The following DGKB variants were observed in gnomAD, a reference collection of about 807,000 sequenced individuals.
DGKB encodes the protein 90 kDa diacylglycerol kinase.
A neutral mutation model predicts 114.3 loss-of-function variants in DGKB; 67 were observed. That is an observed-to-expected ratio of 0.59 (90% CI 0.48 to 0.72). The LOEUF (loss-of-function observed/expected upper bound fraction) is 0.72, where lower values mean the gene tolerates loss of function less well. Ranked by LOEUF, DGKB falls within the 30% of genes least tolerant of loss-of-function variation. The pLI is 0.00. For synonymous variants in DGKB, 398 were observed against 323.1 expected (o/e 1.23, Z -2.49); for missense variants, 907 against 975.2 (o/e 0.93, Z 0.93).
chr7:14,158,553 A>T (rs887056594), intron 25 of DGKB, among the ~76,000 whole-genome samples: 12 of 152,210 alleles, frequency 7.9e-5, no homozygotes, highest in African/African-American at 2.7e-4. Flanking sequence ...TATTTGGAGC[A>T]TCATAGCACT....
At chr7:14,744,032 C>G (rs1832921226) in intron 4 of DGKB, among the ~76,000 whole-genome samples, 1 of 150,562 alleles carries the variant, frequency 6.6e-6, no homozygotes. Flanking sequence ...TAATAGAAAA[C>G]TGAAGTAATC....
At chr7:14,965,578 T>C (rs770585900) in intron 1 of DGKB, among the ~76,000 whole-genome samples, 1 of 152,116 alleles carries the variant, frequency 6.6e-6, no homozygotes, top group Non-Finnish European at 1.5e-5. Flanking sequence ...GGTAGCAGTG[T>C]ATATTCATGG....
chr7:14,959,995 C>T (rs559484175), intron 1 of DGKB, among the ~76,000 whole-genome samples: 7 of 151,988 alleles, frequency 4.6e-5, no homozygotes, highest in Non-Finnish European at 8.8e-5. Flanking sequence ...TTGCACAAAG[C>T]GGTCACACTG....
intron 2 of DGKB, among the ~76,000 whole-genome samples, chr7:14,767,014 A>G (rs1303263668): frequency 6.6e-6 from 1 of 151,714 alleles, no homozygotes; most frequent in Admixed American, 6.6e-5. Context: ...AGTTTAAGAG[A>G]AAATATGATG....
intron 17 of DGKB, among the ~76,000 whole-genome samples, chr7:14,598,448 G>A: frequency 6.6e-6 from 1 of 152,130 alleles, no homozygotes; most frequent in Non-Finnish European, 1.5e-5. Flanking sequence ...TTGCTTTGGG[G>A]CAGAGAATTA....
chr7:14,420,358 A>T (rs1826467498), intron 21 of DGKB, among the ~76,000 whole-genome samples: 1 of 152,034 alleles, frequency 6.6e-6, no homozygotes, highest in African/African-American at 2.4e-5. Flanking sequence ...TCCTAAAGCT[A>T]ATCTGCAAGA....
chr7:14,798,578 T>C (rs1410419476), intron 2 of DGKB, among the ~76,000 whole-genome samples: 1 of 152,192 alleles, frequency 6.6e-6, no homozygotes, highest in African/African-American at 2.4e-5. Flanking sequence ...GGGGGAGTTT[T>C]CCCTTGGTCC....
chr7:14,318,998 G>C (rs1161625636), intron 23 of DGKB, among the ~76,000 whole-genome samples: 2 of 152,086 alleles, frequency 1.3e-5, no homozygotes, highest in Admixed American at 1.3e-4. Context: ...GGACTTGGAT[G>C]AAATTGGAAA....
chr7:14,168,884 A>G (rs1480579537), intron 25 of DGKB, among the ~76,000 whole-genome samples: 1 of 152,184 alleles, frequency 6.6e-6, no homozygotes, highest in African/African-American at 2.4e-5. Context: ...GAAGGAAGAG[A>G]TTTTATTTTA....
intron 23 of DGKB, among the ~76,000 whole-genome samples, chr7:14,300,802 T>C (rs1803413964): frequency 6.6e-6 from 1 of 152,154 alleles, no homozygotes; most frequent in South Asian, 2.1e-4. Flanking sequence ...TGAATAGTCT[T>C]ATTTCTGTCA....
chr7:14,678,560 G>T (rs1386189119), intron 12 of DGKB, among the ~76,000 whole-genome samples: 1 of 151,940 alleles, frequency 6.6e-6, no homozygotes, highest in African/African-American at 2.4e-5. Flanking sequence ...ATTATATACA[G>T]TTATGTTTAG....
chr7:14,897,957 T>C lies in DGKB; in HGVS notation c.-188+4635A>G, dbSNP rs183062219. Reference sequence around the variant, plus strand: ...AGCTCCAATATTATATTAGACACTGTGTTAAGCACTAAACTTCCAAAGATA... The same window carrying C: ...AGCTCCAATATTATATTAGACACTGCGTTAAGCACTAAACTTCCAAAGATA... On this transcript the variant is annotated intron_variant, in intron 1 of 25. Transcript: ENST00000402815. Among the ~76,000 whole-genome samples, 3 of 152,160 alleles carry C rather than the reference T, an allele frequency of 2.0e-5. No homozygotes were observed. In the East Asian group the frequency reaches 5.8e-4, roughly 29 times the overall value.
At chr7:14,213,674 G>A (rs1788500368) in intron 23 of DGKB, among the ~76,000 whole-genome samples, 2 of 152,074 alleles carry the variant, frequency 1.3e-5, no homozygotes, top group Admixed American at 1.3e-4. Flanking sequence ...GGGACTTCAG[G>A]AACTAGTGCA....
chr7:14,451,210 C>A (rs1831429918), intron 21 of DGKB, among the ~76,000 whole-genome samples: 1 of 152,036 alleles, frequency 6.6e-6, no homozygotes, highest in African/African-American at 2.4e-5. Flanking sequence ...TGAATGAGAT[C>A]ACCATTTGAA....
intron 25 of DGKB, among the ~76,000 whole-genome samples, chr7:14,150,954 G>A (rs1007562165): frequency 1.3e-5 from 2 of 151,992 alleles, no homozygotes; most frequent in African/African-American, 4.8e-5. Flanking sequence ...CTGCCCCCAA[G>A]AAATTATAAT....
intron 13 of DGKB, among the ~76,000 whole-genome samples, chr7:14,634,948 C>CTTTA (rs1585231881): frequency 6.6e-6 from 1 of 151,074 alleles, no homozygotes; most frequent in Non-Finnish European, 1.5e-5. Flanking sequence ...TTATTAAAAC[C>CTTTA]TTTAGTAAGA....
chr7:14,223,785 A>AT lies in DGKB; in HGVS notation c.2123-45635dup, dbSNP rs201870738. 2.3e-3 allele frequency among the ~76,000 whole-genome samples: 339 copies of AT among 150,288 alleles called. 2 individuals carry two copies. The highest frequency in any genetic ancestry group is 0.018 in the East Asian group (91 of 5,102). ...TTGATCAATACAGAATTCATGGTTG[A>AT]TTTTTTTTTCTTTCAGCCCTTTAAA... On this transcript the variant is annotated intron_variant, in intron 23 of 25. Transcript: ENST00000402815.
rs575496819 is a variant in DGKB, at chr7:14,777,705, G to A, written c.71-19974C>T. Reference sequence around the variant, plus strand: ...TTCCTTTATAAATTACACAGTCTCAGGTATGTCTTTATTAGTAGTGTGACA... The same window carrying A: ...TTCCTTTATAAATTACACAGTCTCAAGTATGTCTTTATTAGTAGTGTGACA... On this transcript the variant is annotated intron_variant, in intron 2 of 25. Coordinates refer to ENST00000402815, the MANE Select transcript of DGKB (RefSeq NM_001350709.2). Among the ~76,000 whole-genome samples the A allele has an allele frequency of 2.6e-5, 4 of 152,080 alleles. 1 individual carries two copies. The highest frequency in any genetic ancestry group is 5.9e-5 in the Non-Finnish European group (4 of 68,016).
chr7:14,480,675 T>C (rs1276989414), intron 20 of DGKB, among the ~76,000 whole-genome samples: 3 of 152,122 alleles, frequency 2.0e-5, no homozygotes, highest in African/African-American at 4.8e-5. Flanking sequence ...TTACTTCCGC[T>C]TCCTAGAAGG....
Sources: allele counts gnomAD v4.1 joint callset (sites outside exome capture counted in the v4.1 genomes callset), GRCh38; gene constraint gnomAD v4.1.1; transcripts MANE v1.5; gene names NCBI Gene and HGNC (gene_info 2026-07-23, HGNC 2026-07-21).